WRAP53: variants seen among roughly 807,000 people sequenced by gnomAD.
WRAP53 encodes WD repeat containing antisense to TP53.
Under a neutral mutation model 56.6 loss-of-function variants are expected in WRAP53, and 28 were observed. The ratio of observed to expected loss-of-function variants is 0.50; its 90% CI spans 0.37 to 0.68. The LOEUF is 0.68. WRAP53 is among the 30% of genes least tolerant of loss of function. The probability of loss-of-function intolerance (pLI) is 0.00; values close to 1 mark genes in which losing one functional copy is unlikely to be tolerated. For synonymous variants in WRAP53, 283 were observed against 283.4 expected (o/e 1.00, Z 0.01); for missense variants, 671 against 715.5 (o/e 0.94, Z 0.71).
At position 7,689,303 on chromosome 17, in the gene WRAP53, T is replaced by C. The variant is rs1365861429; in HGVS notation, c.511T>C (p.Phe171Leu). The change falls in exon 3 of 11, where the codon TTC (phenylalanine) becomes CTC (leucine). Residue 171 changes from phenylalanine (F) to leucine (L), a missense_variant. Around this residue, in one of 3 missense-constraint regions of WRAP53, gnomAD observed 406 missense variants for 418.5 expected, o/e 0.97. Transcript: ENST00000396463. ...AGAGTTCAGCACCCAACCTGAGAAC[T>C]TCTTGAAAGGCTGTAAGTGGTAAGG... ...WSEFSTQPEN[F>L]LKGCKWAPDG... 1 of 1,614,082 alleles carries C rather than the reference T, an allele frequency of 6.2e-7. No homozygotes were observed. The highest frequency in any genetic ancestry group is 8.5e-7 in the Non-Finnish European group (1 of 1,180,014).
At chr17:7,695,022 A>G (rs532584975) in intron 4 of WRAP53, among the ~76,000 whole-genome samples, 5 of 151,402 alleles carry the variant, frequency 3.3e-5, no homozygotes, top group East Asian at 1.9e-4. Flanking sequence ...GCGCGATCTC[A>G]GCTCACTGCA....
intron 4 of WRAP53, among the ~76,000 whole-genome samples, chr17:7,691,456 C>T (rs2074108308): frequency 7.0e-6 from 1 of 141,972 alleles, no homozygotes; most frequent in African/African-American, 2.7e-5. Flanking sequence ...ATGGCGTGAT[C>T]TCGGCTCACT....
chr17:7,692,257 A>C (rs2074121083), intron 4 of WRAP53, among the ~76,000 whole-genome samples: 1 of 152,018 alleles, frequency 6.6e-6, no homozygotes, highest in Non-Finnish European at 1.5e-5. Context: ...AGATGGGTGG[A>C]TCACCTGAGG....
upstream of WRAP53, chr17:7,687,294 C>T: frequency 2.5e-6 from 1 of 398,610 alleles, no homozygotes; most frequent in Non-Finnish European, 4.4e-6. Flanking sequence ...CCCCCAGCCC[C>T]AGCGATTTTC....
intron 2 of WRAP53, 56 bp downstream of exon 2, chr17:7,689,135 T>C (rs2151085443): frequency 1.9e-6 from 3 of 1,613,642 alleles, no homozygotes; most frequent in South Asian, 2.2e-5. Context: ...GTGAGGTCGA[T>C]CTGTCCTCTG....
intron 4 of WRAP53, among the ~76,000 whole-genome samples, chr17:7,698,868 T>G (rs541457505): frequency 6.5e-4 from 93 of 143,236 alleles, no homozygotes; most frequent in African/African-American, 2.6e-3. Flanking sequence ...AGAGCGAGAC[T>G]CCGTCAAAAA....
chr17:7,697,649 ACT>A (rs1282771247), intron 4 of WRAP53, among the ~76,000 whole-genome samples: 1 of 152,030 alleles, frequency 6.6e-6, no homozygotes, highest in African/African-American at 2.4e-5. Flanking sequence ...ACAGAGAAAG[ACT>A]CTGTCTCAAA....
chr17:7,702,722 G>A lies in WRAP53; in HGVS notation c.1165-21G>A, dbSNP rs1382678442. 24 of 1,612,014 alleles carry A rather than the reference G, an allele frequency of 1.5e-5. No homozygotes were observed. Among genetic ancestry groups the A allele is most frequent in the Non-Finnish European group, 1.7e-5 (20 of 1,179,664 alleles). ...ATCCAGGGCTTTGGGGGTGACTCCA[G>A]GTCCTGTTCCTTGTCTCCAGGATGC... On this transcript the variant is annotated intron_variant, in intron 8 of 10. Transcript: ENST00000396463. This position sits in a 1 kb window ranked among gnomAD's most constrained non-coding sequence, Gnocchi z 5.0.
intron 4 of WRAP53, among the ~76,000 whole-genome samples, chr17:7,690,114 A>G (rs565631993): frequency 2.0e-4 from 30 of 152,254 alleles, no homozygotes; most frequent in Admixed American, 4.6e-4. Context: ...ACACTCGACT[A>G]ATTTTTATAG....
At chr17:7,693,091 A>G (rs191562965) in intron 4 of WRAP53, among the ~76,000 whole-genome samples, 8 of 151,988 alleles carry the variant, frequency 5.3e-5, no homozygotes, top group Non-Finnish European at 1.2e-4. Context: ...TAGCAGCATG[A>G]GTCACTGTCT....
chr17:7,695,906 G>A (rs982982931), intron 4 of WRAP53, among the ~76,000 whole-genome samples: 2 of 152,098 alleles, frequency 1.3e-5, no homozygotes, highest in African/African-American at 4.8e-5. Flanking sequence ...ACAGTCTCCT[G>A]CCTCCTTTTG....
Position 7,702,235 on chromosome 17 carries a change from A to G in WRAP53, c.956-109A>G. The G allele has an allele frequency of 7.0e-6, 8 of 1,142,798 alleles. No homozygotes were observed. Among genetic ancestry groups the G allele is most frequent in the Non-Finnish European group, 7.8e-6 (6 of 764,876 alleles). 70.8% of individuals were successfully genotyped at this position (1,142,798 alleles called of 1,614,324 possible). A position where few individuals can be genotyped will look rare whatever the true frequency, so the allele number is the denominator to read the frequency against. On this transcript the variant is annotated intron_variant, in intron 7 of 10. Coordinates refer to ENST00000396463, the MANE Select transcript of WRAP53 (RefSeq NM_001143992.2). This position sits in a 1 kb window ranked among gnomAD's most constrained non-coding sequence, Gnocchi z 5.0. Reference sequence around the variant, plus strand: ...GCTTGTGACAGACAGCATGGGGGGGATGTTGAGTCCAAGCATGTTGGTGCT... The same window carrying G: ...GCTTGTGACAGACAGCATGGGGGGGGTGTTGAGTCCAAGCATGTTGGTGCT...
In WRAP53 at chr17:7,701,476, G is replaced by C. The variant is rs780547823; in HGVS notation, c.749G>C (p.Arg250Pro). 6.8e-6 allele frequency: 11 copies of C among 1,614,110 alleles called. No individual in the cohort carries two copies. The East Asian group carries it at 2.0e-4, about 29-fold the overall frequency. The change falls in exon 6 of 11, where the codon CGG becomes CCG. Residue 250 changes from arginine (R) to proline (P), a missense_variant. By Grantham distance (103) the Arg-to-Pro change is moderately radical. Transcript: ENST00000396463. This position sits in a 1 kb window ranked among gnomAD's most constrained non-coding sequence, Gnocchi z 4.2. ...TCTCTCAGCGTGGCCAGCAGCAGCC[G>C]GGAGAACCCGATTCATATCTGGGAC... ...PDTSYVASSS[R>P]ENPIHIWDAF...
intron 4 of WRAP53, among the ~76,000 whole-genome samples, chr17:7,691,923 G>A (rs1360333679): frequency 1.3e-5 from 2 of 151,808 alleles, no homozygotes; most frequent in African/African-American, 4.8e-5. Context: ...CGCAACCTCC[G>A]CCTCCCAGGT....
rs1288924635 is a variant in WRAP53, at chr17:7,702,199, G to A, written c.956-145G>A. 3.4e-6 allele frequency: 3 copies of A among 871,920 alleles called. No individual in the cohort carries two copies. The highest frequency in any genetic ancestry group is 1.7e-5 in the African/African-American group (1 of 60,412). The allele number at this position is 871,920 out of a possible 1,614,324, so 54.0% of individuals were successfully genotyped here. On this transcript the variant is annotated intron_variant, in intron 7 of 10. Transcript: ENST00000396463. This position sits in a 1 kb window ranked among gnomAD's most constrained non-coding sequence, Gnocchi z 5.0. The stretch of plus-strand genomic sequence containing the variant: ...AGGATAGATGTGGGGAGCATCAGAG[G>A]TCTTTGTCCTGCTTGTGACAGACAG...
intron 4 of WRAP53, among the ~76,000 whole-genome samples, chr17:7,694,293 G>A (rs554149044): frequency 3.7e-4 from 53 of 144,524 alleles, no homozygotes; most frequent in Middle Eastern, 3.7e-3. Context: ...GCCCAGGCTG[G>A]AGAGCAGTGG....
chr17:7,691,354 A>T (rs982230634), intron 4 of WRAP53, among the ~76,000 whole-genome samples: 3 of 151,256 alleles, frequency 2.0e-5, no homozygotes, highest in African/African-American at 7.3e-5. Flanking sequence ...CTTATGGGTA[A>T]GGCATTTGGA....
chr17:7,689,412 C>A, intron 3 of WRAP53, 90 bp downstream of exon 3: 2 of 1,415,276 alleles, frequency 1.4e-6, no homozygotes, highest in South Asian at 1.2e-5. Flanking sequence ...TGCCCCAGAG[C>A]TGGGAGAAGC....
At chr17:7,695,668 G>T (rs1008102082) in intron 4 of WRAP53, among the ~76,000 whole-genome samples, 27 of 152,118 alleles carry the variant, frequency 1.8e-4, no homozygotes, top group African/African-American at 6.0e-4. Flanking sequence ...ACAGCCTTCC[G>T]GTGCTCTCCT....
Sources: gnomAD v4.1 joint callset for allele counts (sites outside exome capture counted in the v4.1 genomes callset) on GRCh38, gnomAD v4.1.1 for gene constraint, gnomAD v4.1.1 regional missense constraint, Gnocchi (gnomAD v3.1) non-coding constraint, MANE v1.5 for transcripts, NCBI Gene and HGNC (gene_info 2026-07-23, HGNC 2026-07-21) for gene names.